Variants in TTC33 observed in about 807,000 individuals in gnomAD.
TTC33 encodes the protein tetratricopeptide repeat domain 33.
Under a neutral mutation model 29.4 loss-of-function variants are expected in TTC33, and 24 were observed. That is an observed-to-expected ratio of 0.82 (90% CI 0.59 to 1.15). The LOEUF (loss-of-function observed/expected upper bound fraction) is 1.15, where lower values mean the gene tolerates loss of function less well. Among genes scored for constraint, TTC33 ranks in the 50% most tolerant of loss-of-function variants. TTC33 has a pLI of 0.00. For missense variants in TTC33, 286 were observed against 310.4 expected, an observed-to-expected ratio of 0.92 and a Z score of 0.59; for synonymous variants, 107 against 100.3, an observed-to-expected ratio of 1.07 and a Z score of -0.40.
rs145043309 is a variant in TTC33, at chr5:40,720,057, C to G, written c.436-3559G>C. On this transcript the variant is annotated intron_variant, in intron 4 of 4. Transcript: ENST00000337702. ...GTTTAATTTGAAGTCCAATTTTTAT[C>G]TACTTTTTTCTTTTGTTGTTTGTGC... 7.8e-3 allele frequency among the ~76,000 whole-genome samples: 1,186 copies of G among 152,188 alleles called. 12 individuals carry two copies. The highest frequency in any genetic ancestry group is 0.026 in the African/African-American group (1,073 of 41,510).
intron 2 of TTC33, 57 bp from the exon 3 acceptor site, chr5:40,730,400 CA>C (rs908654520): frequency 3.3e-4 from 467 of 1,435,256 alleles, no homozygotes; most frequent in South Asian, 3.8e-4. Context: ...TTTGGACTTT[CA>C]AAAAAAAATT....
At chr5:40,726,959 G>A (rs1184108585) in intron 4 of TTC33, among the ~76,000 whole-genome samples, 1 of 152,094 alleles carries the variant, frequency 6.6e-6, no homozygotes, top group African/African-American at 2.4e-5. Context: ...GAAGTTGACA[G>A]TGCTAAATGG....
chr5:40,718,929 TAAGGTA>T (rs1285083560), intron 4 of TTC33, among the ~76,000 whole-genome samples: 5 of 151,998 alleles, frequency 3.3e-5, no homozygotes, highest in African/African-American at 1.2e-4. Flanking sequence ...AATTAAAAAT[TAAGGTA>T]CCATGGGAAT....
intron 2 of TTC33, among the ~76,000 whole-genome samples, chr5:40,745,231 C>T (rs3792827): frequency 0.34 from 52,084 of 151,940 alleles, 10,024 homozygotes; most frequent in Admixed American, 0.45. Flanking sequence ...TGGGGGAAAA[C>T]AGGCAAAACC....
chr5:40,751,260 T>C (rs1464987874), intron 1 of TTC33, among the ~76,000 whole-genome samples: 4 of 152,264 alleles, frequency 2.6e-5, no homozygotes, highest in Non-Finnish European at 2.9e-5. Flanking sequence ...TTAATAGGCA[T>C]GAAAACAACA....
chr5:40,751,535 C>T (rs1742894309), intron 1 of TTC33, among the ~76,000 whole-genome samples: 1 of 152,190 alleles, frequency 6.6e-6, no homozygotes, highest in Non-Finnish European at 1.5e-5. Context: ...ATTTAAAGTT[C>T]CCAGCTACAT....
intron 4 of TTC33, among the ~76,000 whole-genome samples, chr5:40,719,357 A>G (rs1380563406): frequency 6.6e-6 from 1 of 152,234 alleles, no homozygotes; most frequent in Non-Finnish European, 1.5e-5. Flanking sequence ...TATTGTTTTT[A>G]AAGTTCATCC....
At chr5:40,751,244 C>T (rs1474721236) in intron 1 of TTC33, among the ~76,000 whole-genome samples, 1 of 151,948 alleles carries the variant, frequency 6.6e-6, no homozygotes, top group Non-Finnish European at 1.5e-5. Context: ...GGAAAAGATG[C>T]TGTTGTTAAT....
intron 3 of TTC33, among the ~76,000 whole-genome samples, chr5:40,729,759 C>G (rs552710181): frequency 4.1e-4 from 62 of 152,204 alleles, no homozygotes; most frequent in Non-Finnish European, 7.6e-4. Context: ...AGTGCAGTGG[C>G]ACTATCTCAG....
At chr5:40,719,349 T>C (rs1334655188) in intron 4 of TTC33, among the ~76,000 whole-genome samples, 2 of 152,262 alleles carry the variant, frequency 1.3e-5, no homozygotes, top group Non-Finnish European at 2.9e-5. Flanking sequence ...ACTTAACATA[T>C]TGTTTTTAAA....
intron 2 of TTC33, among the ~76,000 whole-genome samples, chr5:40,745,765 C>T (rs1742778067): frequency 2.0e-5 from 3 of 151,442 alleles, no homozygotes; most frequent in South Asian, 2.1e-4. Context: ...GACAGGGTCT[C>T]ACTCTGTAGC....
intron 2 of TTC33, among the ~76,000 whole-genome samples, chr5:40,730,568 T>C (rs752151028): frequency 1.1e-4 from 16 of 152,064 alleles, no homozygotes; most frequent in Non-Finnish European, 1.8e-4. Flanking sequence ...AAACTGAAAC[T>C]CCATACCCAT....
At chr5:40,731,092 G>T (rs1192302935) in intron 2 of TTC33, among the ~76,000 whole-genome samples, 1 of 152,146 alleles carries the variant, frequency 6.6e-6, no homozygotes, top group Non-Finnish European at 1.5e-5. Context: ...TGTTATTGTA[G>T]ATGTGACAGG....
intron 1 of TTC33, among the ~76,000 whole-genome samples, chr5:40,754,973 A>G (rs1401284564): frequency 6.6e-6 from 1 of 152,166 alleles, no homozygotes; most frequent in Non-Finnish European, 1.5e-5. Context: ...AACATCCTAG[A>G]CTTAACATTT....
In TTC33 at chr5:40,713,458, T is replaced by C. The variant is rs190529385; in HGVS notation, c.*2687A>G. On this transcript the variant is annotated 3_prime_UTR_variant, in exon 5 of 5. Coordinates refer to ENST00000337702, the MANE Select transcript of TTC33 (RefSeq NM_012382.3). ...ACGGCATCAATTCAAAAGATTGTCATACTGAAACCACTGCCATAAAATTTT... is the reference window on the plus strand; with the variant it reads ...ACGGCATCAATTCAAAAGATTGTCACACTGAAACCACTGCCATAAAATTTT... 9.7e-4 allele frequency among the ~76,000 whole-genome samples: 148 copies of C among 152,316 alleles called. No individual in the cohort carries two copies. Among genetic ancestry groups the C allele is most frequent in the Non-Finnish European group, 1.5e-3 (105 of 68,006 alleles).
At chr5:40,716,788 AG>A (rs1742010427) in intron 4 of TTC33, among the ~76,000 whole-genome samples, 1 of 152,250 alleles carries the variant, frequency 6.6e-6, no homozygotes, top group South Asian at 2.1e-4. Flanking sequence ...CAGCTTCAGT[AG>A]ACCAGTAAGT....
intron 2 of TTC33, among the ~76,000 whole-genome samples, chr5:40,738,544 A>AAATACAATAAAATAC (rs1168497679): frequency 8.2e-6 from 1 of 122,020 alleles, no homozygotes; most frequent in Admixed American, 8.8e-5. Context: ...AAATACAATA[A>AAATACAATAAAATAC]AATAAAATAA....
At chr5:40,724,305 A>G (rs895055495) in intron 4 of TTC33, among the ~76,000 whole-genome samples, 6 of 152,320 alleles carry the variant, frequency 3.9e-5, no homozygotes, top group East Asian at 1.9e-4. Context: ...CACTTATACG[A>G]TATCTCTAAA....
chr5:40,730,000 C>G, intron 3 of TTC33, among the ~76,000 whole-genome samples: 1 of 152,092 alleles, frequency 6.6e-6, no homozygotes, highest in East Asian at 1.9e-4. Context: ...CACCTGCCCA[C>G]CAGTGACTTT....
Sources: allele counts gnomAD v4.1 joint callset (sites outside exome capture counted in the v4.1 genomes callset), GRCh38; gene constraint gnomAD v4.1.1; transcripts MANE v1.5; gene names NCBI Gene and HGNC (gene_info 2026-07-23, HGNC 2026-07-21).